The following NOTCH1 variants were observed in gnomAD, a reference collection of about 807,000 sequenced individuals.
NOTCH1 encodes notch receptor 1, also known as neurogenic locus notch homolog protein 1.
A neutral mutation model predicts 254.8 loss-of-function variants in NOTCH1; 37 were observed. The ratio of observed to expected loss-of-function variants is 0.15; its 90% CI spans 0.11 to 0.19. NOTCH1 has a LOEUF of 0.19. Ranked by LOEUF, NOTCH1 falls within the 10% of genes least tolerant of loss-of-function variation. The pLI, the probability that NOTCH1 is intolerant of heterozygous loss-of-function variation, is 1.00. For missense variants in NOTCH1, 2,972 were observed against 3,708.6 expected (o/e 0.80, Z 5.16); for synonymous variants, 1,731 against 1,618.1 (o/e 1.07, Z -1.68).
intron 1 of NOTCH1, among the ~76,000 whole-genome samples, chr9:136,544,688 G>C (rs1843785963): frequency 6.6e-6 from 1 of 152,108 alleles, no homozygotes; most frequent in African/African-American, 2.4e-5. Context: ...TGTGGAGTCG[G>C]GGCCGCCTCC....
intron 16 of NOTCH1, 30 bp downstream of exon 16, chr9:136,511,122 C>T (rs1456883178): frequency 3.1e-6 from 5 of 1,612,884 alleles, no homozygotes; most frequent in Admixed American, 1.7e-5. Flanking sequence ...CCTCCCATCC[C>T]AGCCCTCACC....
rs1843217456 is a variant in NOTCH1, at chr9:136,513,597, G to A, written c.2208-60C>T. On this transcript the variant is annotated intron_variant, in intron 13 of 33. Coordinates refer to ENST00000651671, the MANE Select transcript of NOTCH1 (RefSeq NM_017617.5). The surrounding 1 kb of genome is among the most constrained non-coding windows in gnomAD (Gnocchi z 4.7). ...CCCGAGCAGCACGGCCGGGGCCTGGGCACTCCCGGGTCTGCAATGCCCTAT... is the reference window on the plus strand; with the variant it reads ...CCCGAGCAGCACGGCCGGGGCCTGGACACTCCCGGGTCTGCAATGCCCTAT... 12 of 1,595,210 alleles carry A rather than the reference G, an allele frequency of 7.5e-6. 1 individual carries two copies. The South Asian group carries it at 1.3e-4, about 18-fold the overall frequency.
chr9:136,512,918 T>TC, intron 15 of NOTCH1, 103 bp downstream of exon 15: 2 of 83,324 alleles, frequency 2.4e-5, no homozygotes, highest in Non-Finnish European at 2.5e-5. Flanking sequence ...CCCCCACCCC[T>TC]GGCCCCACCC....
At chr9:136,508,432 C>T in intron 19 of NOTCH1, 47 bp from the exon 20 acceptor site, 9 of 1,611,830 alleles carry the variant, frequency 5.6e-6, no homozygotes, top group African/African-American at 1.3e-5. Context: ...CCGGCCATTT[C>T]CCCGGTAGCT....
Position 136,509,074 on chromosome 9 carries a change from G to A in NOTCH1, c.2970-3C>T. 6.4e-7 allele frequency: 1 copy of A among 1,555,062 alleles called. No homozygotes were observed. Among genetic ancestry groups the A allele is most frequent in the South Asian group, 1.2e-5 (1 of 84,432 alleles). On this transcript the variant is annotated splice_polypyrimidine_tract_variant and splice_region_variant and intron_variant, in intron 18 of 33. Coordinates refer to ENST00000651671, the MANE Select transcript of NOTCH1 (RefSeq NM_017617.5). ...AGGTGCCACCGTTGAAGCAGGAGCT[G>A]CAAGGGGGTGGGCAGGCGGGGGCTG...
rs2133313400 is a variant in NOTCH1 at position 136,496,022 on chromosome 9, A to G, written c.*49T>C. The G allele has an allele frequency of 6.4e-7, 1 of 1,566,422 alleles. No homozygotes were observed. ...CCTGGCATCCACAGAGCGCACACAG[A>G]CGCCCGAAGGCTTGGGAAAGGAAGC... is the stretch of plus-strand genomic sequence containing the variant. On this transcript the variant is annotated 3_prime_UTR_variant, in exon 34 of 34. Coordinates refer to ENST00000651671, the MANE Select transcript of NOTCH1 (RefSeq NM_017617.5).
At position 136,496,065 on chromosome 9, in the gene NOTCH1, C is replaced by G. The variant is rs73668310; in HGVS notation, c.*6G>C. 6.3e-7 allele frequency: 1 copy of G among 1,596,316 alleles called. No individual in the cohort carries two copies. The highest frequency in any genetic ancestry group is 8.5e-7 in the Non-Finnish European group (1 of 1,177,520). On this transcript the variant is annotated 3_prime_UTR_variant, in exon 34 of 34. Coordinates refer to ENST00000651671, the MANE Select transcript of NOTCH1 (RefSeq NM_017617.5). ...AAGGAAGCCGGGGTCTCGTGGGGCG[C>G]GCCGTTTACTTGAAGGCCTCCGGAA...
chr9:136,496,542 T>C lies in NOTCH1; in HGVS notation c.7197A>G (p.Pro2399=). 6.2e-7 allele frequency: 1 copy of C among 1,608,662 alleles called. No individual in the cohort carries two copies. The highest frequency in any genetic ancestry group is 8.5e-7 in the Non-Finnish European group (1 of 1,179,964). ...GGCTTTGCTGCTGCTGGATGTTTGCTGGCTGCAGGTTCTGCTGCTGCATCT... is the reference window on the plus strand; with the variant it reads ...GGCTTTGCTGCTGCTGGATGTTTGCCGGCTGCAGGTTCTGCTGCTGCATCT... ...NLQMQQQNLQ[P]ANIQQQQSLQ... Residue 2399 remains proline (P), a synonymous_variant, in exon 34 of 34, where the codon CCA becomes CCG. Transcript: ENST00000651671.
rs926487322 is a variant in NOTCH1 at position 136,510,578 on chromosome 9, T to C, written c.2740+75A>G. 5 of 1,537,218 alleles carry C rather than the reference T, an allele frequency of 3.3e-6. No homozygotes were observed. The Admixed American group carries it at 5.7e-5, about 18-fold the overall frequency. The stretch of plus-strand genomic sequence containing the variant: ...CCCTGGGTGCTTATGGCCAGCACCA[T>C]GCGCACCAACCCTGCCCGGGGGAAC... On this transcript the variant is annotated intron_variant, in intron 17 of 33. Coordinates refer to ENST00000651671, the MANE Select transcript of NOTCH1 (RefSeq NM_017617.5).
At chr9:136,508,833 C>T in intron 19 of NOTCH1, 37 bp downstream of exon 19, 4 of 1,521,000 alleles carry the variant, frequency 2.6e-6, no homozygotes, top group Non-Finnish European at 2.7e-6. Context: ...CCACCCAGGG[C>T]CCCTCCTTCG....
Position 136,540,400 on chromosome 9 carries a change from G to A in NOTCH1, c.140+3624C>T, listed in dbSNP as rs1843716514. ...AGATGGACTTCCCCAGAGCCGGCAA[G>A]TCCCTCCCCAGGCAGTGCCAGGCCC... On this transcript the variant is annotated intron_variant, in intron 2 of 33. Coordinates refer to ENST00000651671, the MANE Select transcript of NOTCH1 (RefSeq NM_017617.5). This position sits in a 1 kb window ranked among gnomAD's most constrained non-coding sequence, Gnocchi z 4.4. Among the ~76,000 whole-genome samples, 3 of 152,224 alleles carry A rather than the reference G, an allele frequency of 2.0e-5. No homozygotes were observed. The highest frequency in any genetic ancestry group is 7.2e-5 in the African/African-American group (3 of 41,446).
chr9:136,497,388 G>A lies in NOTCH1; in HGVS notation c.6351C>T (p.Asn2117=). The A allele has an allele frequency of 1.9e-6, 3 of 1,609,962 alleles. No homozygotes were observed. The highest frequency in any genetic ancestry group is 1.7e-4 in the Middle Eastern group (1 of 6,060). ...HDIVRLLDEY[N]LVRSPQLHGA... ...CGTGCAGCTGCGGGCTGCGCACCAG[G>A]TTGTACTCGTCCAGCAGCCTCACGA... The change falls in exon 34 of 34, where the codon AAC becomes AAT. Residue 2117 remains asparagine (N), a synonymous_variant. Transcript: ENST00000651671.
chr9:136,508,848 C>T, intron 19 of NOTCH1, 22 bp downstream of exon 19: 1 of 1,536,740 alleles, frequency 6.5e-7, no homozygotes, highest in Non-Finnish European at 8.8e-7. Flanking sequence ...CCTTCGGGCA[C>T]CTCTGTGGCC....
In NOTCH1 at chr9:136,496,170, C is replaced by A. The variant is rs534623042; in HGVS notation, c.7569G>T (p.Ser2523=). ...AGTCGGAGACGTTGGAATGCGGGGA[C>A]GAGCTGGACCACTGGTCAGGGGACT... ...SPESPDQWSS[S]SPHSNVSDWS... is the part of the protein sequence containing the mutation. The change falls in exon 34 of 34, where the codon TCG becomes TCT. Residue 2523 remains serine, a synonymous_variant. Coordinates refer to ENST00000651671, the MANE Select transcript of NOTCH1 (RefSeq NM_017617.5). 3 of 1,610,162 alleles carry A rather than the reference C, an allele frequency of 1.9e-6. No homozygotes were observed. Among genetic ancestry groups the A allele is most frequent in the East Asian group, 4.5e-5 (2 of 44,802 alleles).
chr9:136,509,602 G>T, intron 18 of NOTCH1, 131 bp downstream of exon 18: 1 of 784,272 alleles, frequency 1.3e-6, no homozygotes, highest in Non-Finnish European at 2.2e-6. Flanking sequence ...ACAATGTCTG[G>T]ACTCAATGCA....
Position 136,504,850 on chromosome 9 carries a change from T to C in NOTCH1, c.4841A>G (p.Gln1614Arg). Residue 1614 changes from glutamine to arginine, a missense_variant, in exon 26 of 34, where the codon CAG becomes CGG. By Grantham distance (43) the Gln-to-Arg change is conservative. Coordinates refer to ENST00000651671, the MANE Select transcript of NOTCH1 (RefSeq NM_017617.5). The part of the protein sequence containing the change: ...VVFKRDAHGQ[Q>R]MIFPYYGREE... ...GCGGCCGTAGTAGGGGAAGATCATC[T>C]GCTGGCCGTGTGCGTCACGCTTGAA... 1 of 1,581,156 alleles carries C rather than the reference T, an allele frequency of 6.3e-7. No individual in the cohort carries two copies. Among genetic ancestry groups the C allele is most frequent in the Admixed American group, 1.8e-5 (1 of 54,814 alleles).
chr9:136,525,894 C>T (rs1039838431), intron 2 of NOTCH1, among the ~76,000 whole-genome samples: 4 of 152,242 alleles, frequency 2.6e-5, no homozygotes, highest in South Asian at 2.1e-4. Context: ...GTAGAGAGAA[C>T]GCAAAAGGGC....
In NOTCH1 at chr9:136,507,969, C is replaced by T. The variant is rs754815022; in HGVS notation, c.3496G>A (p.Gly1166Ser). ...GGGACCCCCACCTTGCAGGAGTAGCCGCCCAGGTAGTCCGTGCAGGTGGCC... is the reference window on the plus strand; with the variant it reads ...GGGACCCCCACCTTGCAGGAGTAGCTGCCCAGGTAGTCCGTGCAGGTGGCC... ...NGATCTDYLG[G>S]YSCKCVAGYH... is the part of the protein sequence containing the mutation. The change falls in exon 21 of 34, where the codon GGC becomes AGC. Residue 1166 changes from glycine to serine, a missense_variant. This residue lies in a region of NOTCH1 where 1,343 missense variants were observed against 1,557.0 expected (regional missense o/e 0.86). Transcript: ENST00000651671. 21 of 1,612,578 alleles carry T rather than the reference C, an allele frequency of 1.3e-5. No homozygotes were observed. Among genetic ancestry groups the T allele is most frequent in the South Asian group, 6.6e-5 (6 of 91,086 alleles).
intron 7 of NOTCH1, 26 bp from the exon 8 acceptor site, chr9:136,517,963 C>T: frequency 6.2e-7 from 1 of 1,604,560 alleles, no homozygotes. Flanking sequence ...GGGTGAGAGG[C>T]TGCTCCAGGC....
Sources: gnomAD v4.1 joint callset for allele counts (sites outside exome capture counted in the v4.1 genomes callset) on GRCh38, gnomAD v4.1.1 for gene constraint, gnomAD v4.1.1 regional missense constraint, Gnocchi (gnomAD v3.1) non-coding constraint, MANE v1.5 for transcripts, NCBI Gene and HGNC (gene_info 2026-07-23, HGNC 2026-07-21) for gene names.